FABP12: variants seen among roughly 807,000 people sequenced by gnomAD.
FABP12 encodes the protein fatty acid binding protein 12.
FABP12 carries 19 observed loss-of-function variants against 13.7 expected under a neutral mutation model. The observed-to-expected ratio is 1.39, with a 90% CI of 0.97 to 2.04. The LOEUF (loss-of-function observed/expected upper bound fraction) is 2.04. FABP12 is among the 30% of genes most tolerant of loss of function. FABP12 has a pLI of 0.00. For synonymous variants in FABP12, 61 were observed against 57.0 expected, an observed-to-expected ratio of 1.07 and a Z score of -0.32; for missense variants, 182 against 164.2, an observed-to-expected ratio of 1.11 and a Z score of -0.59.
rs762170047 is a variant in FABP12 at position 81,525,121 on chromosome 8, C to G, written c.349-1G>C. The G allele has an allele frequency of 1.2e-5, 19 of 1,569,538 alleles. No individual in the cohort carries two copies. The highest frequency in any genetic ancestry group is 1.6e-5 in the Non-Finnish European group (18 of 1,150,994). ...AGATAACACTGTTCACAGTACTTTC[C>G]TACAAGACAAAAGAAATATGAGGTA... is the stretch of plus-strand genomic sequence containing the variant. On this transcript the variant is annotated splice_acceptor_variant, in intron 4 of 4. Coordinates refer to ENST00000360464, the Ensembl canonical transcript of FABP12. LOFTEE classifies it high-confidence loss of function.
intron 1 of FABP12, among the ~76,000 whole-genome samples, chr8:81,541,203 C>T (rs1359216371): frequency 6.6e-6 from 1 of 151,160 alleles, no homozygotes; most frequent in Non-Finnish European, 1.5e-5. Flanking sequence ...TAAAAAGACA[C>T]ACACACAAAG....
chr8:81,558,025 G>C (rs1809651497), intron 1 of FABP12, among the ~76,000 whole-genome samples: 1 of 152,194 alleles, frequency 6.6e-6, no homozygotes, highest in Non-Finnish European at 1.5e-5. Context: ...CTGGGGAAGA[G>C]GCCACTGGAG....
At chr8:81,541,810 G>A (rs775761639) in intron 1 of FABP12, among the ~76,000 whole-genome samples, 1 of 145,176 alleles carries the variant, frequency 6.9e-6, no homozygotes, top group Non-Finnish European at 1.5e-5. Context: ...TGTCAGATCC[G>A]ACCATGACTT....
chr8:81,562,017 C>T (rs138582310), intron 1 of FABP12, among the ~76,000 whole-genome samples: 44 of 152,254 alleles, frequency 2.9e-4, no homozygotes, highest in African/African-American at 1.0e-3. Flanking sequence ...GGCAGTACAG[C>T]TCCCAGCCCC....
chr8:81,527,687 T>A (rs1269902013), intron 3 of FABP12, among the ~76,000 whole-genome samples: 1 of 152,198 alleles, frequency 6.6e-6, no homozygotes, highest in Non-Finnish European at 1.5e-5. Context: ...TATCTTTGAC[T>A]GTGTAAGCAG....
intron 1 of FABP12, among the ~76,000 whole-genome samples, chr8:81,544,984 G>T (rs1343340171): frequency 6.6e-6 from 1 of 152,204 alleles, no homozygotes; most frequent in Non-Finnish European, 1.5e-5. Flanking sequence ...TAGAGGCCAG[G>T]AAGTACTTAC....
chr8:81,574,454 A>G (rs1448978661), intron 1 of FABP12, among the ~76,000 whole-genome samples: 1 of 151,992 alleles, frequency 6.6e-6, no homozygotes, highest in Non-Finnish European at 1.5e-5. Context: ...TATTAGGGTG[A>G]TGCTGGCTTC....
intron 1 of FABP12, among the ~76,000 whole-genome samples, chr8:81,559,444 C>T (rs993308884): frequency 1.3e-5 from 2 of 152,170 alleles, no homozygotes; most frequent in Admixed American, 6.5e-5. Flanking sequence ...ACGTTCTTTT[C>T]ATGTATGGGT....
At chr8:81,560,095 G>T (rs955544875) in intron 1 of FABP12, among the ~76,000 whole-genome samples, 1 of 152,144 alleles carries the variant, frequency 6.6e-6, no homozygotes, top group Non-Finnish European at 1.5e-5. Flanking sequence ...CAACAGAATA[G>T]TTTCTCACCA....
chr8:81,535,938 T>TG (rs1809210984), upstream of FABP12, among the ~76,000 whole-genome samples: 1 of 152,182 alleles, frequency 6.6e-6, no homozygotes. Flanking sequence ...GCAGCACCCT[T>TG]GTTGGCTAAT....
intron 1 of FABP12, among the ~76,000 whole-genome samples, chr8:81,585,243 G>A (rs1246506660): frequency 6.6e-6 from 1 of 152,100 alleles, no homozygotes; most frequent in African/African-American, 2.4e-5. Flanking sequence ...AATTCATTGT[G>A]ATTTGCCGCT....
chr8:81,581,680 A>G (rs1405858431), intron 1 of FABP12, among the ~76,000 whole-genome samples: 1 of 152,230 alleles, frequency 6.6e-6, no homozygotes, highest in Non-Finnish European at 1.5e-5. Flanking sequence ...ATATATTCAA[A>G]ATGCTGAAAG....
chr8:81,557,728 T>C (rs1809643926), intron 1 of FABP12, among the ~76,000 whole-genome samples: 2 of 152,238 alleles, frequency 1.3e-5, no homozygotes, highest in Admixed American at 1.3e-4. Flanking sequence ...AATTATACTT[T>C]AGTTTTGTTT....
chr8:81,533,455 G>A (rs779928321), intron 1 of FABP12, among the ~76,000 whole-genome samples: 16 of 152,082 alleles, frequency 1.1e-4, no homozygotes, highest in African/African-American at 3.1e-4. Flanking sequence ...CTTTTCAGAC[G>A]ATTCGCTTCC....
intron 1 of FABP12, among the ~76,000 whole-genome samples, chr8:81,532,567 A>G (rs1447624179): frequency 6.6e-6 from 1 of 152,244 alleles, no homozygotes; most frequent in East Asian, 1.9e-4. Context: ...TCTTGCCTGT[A>G]ATCCCAGCAC....
intron 1 of FABP12, chr8:81,533,156 A>C (rs1809124218): frequency 6.6e-6 from 1 of 152,224 alleles, no homozygotes; most frequent in African/African-American, 2.4e-5. Context: ...AGGCGTCAGT[A>C]CTGAGGTGTG....
chr8:81,569,860 G>T (rs527662530), intron 1 of FABP12, among the ~76,000 whole-genome samples: 2 of 152,294 alleles, frequency 1.3e-5, no homozygotes, highest in African/African-American at 4.8e-5. Context: ...ACCTGTGGCC[G>T]GTGGTGCCTT....
chr8:81,531,279 A>G (rs1809069345), exon 2 of FABP12: 2 of 1,606,838 alleles, frequency 1.2e-6, no homozygotes, highest in Non-Finnish European at 1.7e-6. Context: ...TTTTCACAAG[A>G]AATGGACTTC....
chr8:81,578,467 G>T (rs1419508464), intron 1 of FABP12, among the ~76,000 whole-genome samples: 3 of 150,178 alleles, frequency 2.0e-5, no homozygotes, highest in Non-Finnish European at 4.4e-5. Context: ...TGAGACAAAA[G>T]AATTATTTAA....
Sources: gnomAD v4.1 joint callset for allele counts (sites outside exome capture counted in the v4.1 genomes callset) on GRCh38, gnomAD v4.1.1 for gene constraint, MANE v1.5 for transcripts, NCBI Gene and HGNC (gene_info 2026-07-23, HGNC 2026-07-21) for gene names.